The following ERC2 variants were observed in gnomAD, a reference collection of about 807,000 sequenced individuals.
The protein encoded by ERC2 is ELKS/RAB6-interacting/CAST family member 2.
ERC2 carries 42 observed loss-of-function variants against 114.8 expected under a neutral mutation model. The ratio of observed to expected loss-of-function variants is 0.37; its 90% CI spans 0.29 to 0.47. The LOEUF (loss-of-function observed/expected upper bound fraction) is 0.47. Among genes scored for constraint, ERC2 ranks in the 20% least tolerant of loss-of-function variants. The probability of loss-of-function intolerance (pLI) is 0.99; values close to 1 mark genes in which losing one functional copy is unlikely to be tolerated. For missense variants in ERC2, 939 were observed against 1,150.7 expected (o/e 0.82, Z 2.66); for synonymous variants, 454 against 425.5 (o/e 1.07, Z -0.82).
At chr3:55,662,334 T>A (rs1274666887) in intron 17 of ERC2, among the ~76,000 whole-genome samples, 2 of 152,246 alleles carry the variant, frequency 1.3e-5, no homozygotes, top group African/African-American at 4.8e-5. Flanking sequence ...GCCCATTAAC[T>A]GTGAGTGGCT....
chr3:56,341,129 A>ATT (rs1553925626), intron 2 of ERC2, among the ~76,000 whole-genome samples: 2 of 152,178 alleles, frequency 1.3e-5, no homozygotes, highest in Non-Finnish European at 2.9e-5. Flanking sequence ...ATTAAAACAG[A>ATT]TTTGCAATTA....
At chr3:56,175,701 C>T (rs2046451) in intron 3 of ERC2, among the ~76,000 whole-genome samples, 71,101 of 151,844 alleles carry the variant, frequency 0.47, 16,928 homozygotes, top group East Asian at 0.68. Context: ...TCCCTGAATG[C>T]AGAATTGGGA....
At chr3:56,033,790 CT>C (rs1422977416) in intron 7 of ERC2, among the ~76,000 whole-genome samples, 4 of 151,386 alleles carry the variant, frequency 2.6e-5, no homozygotes, top group South Asian at 2.1e-4. Flanking sequence ...TACAAGATTT[CT>C]TTTTTTTTCT....
intron 3 of ERC2, among the ~76,000 whole-genome samples, chr3:56,207,260 C>T (rs10433621): frequency 0.8 from 121,886 of 151,774 alleles, 50,832 homozygotes; most frequent in South Asian, 0.95. Context: ...TCCCTAATTA[C>T]AAAAGTAACA....
chr3:55,877,807 A>G (rs2062932879), intron 14 of ERC2, among the ~76,000 whole-genome samples: 1 of 151,910 alleles, frequency 6.6e-6, no homozygotes, highest in South Asian at 2.1e-4. Context: ...TTCTTCCTTC[A>G]GGATTTGATG....
At chr3:56,034,016 T>C (rs1030489411) in intron 7 of ERC2, among the ~76,000 whole-genome samples, 2 of 152,124 alleles carry the variant, frequency 1.3e-5, no homozygotes, top group African/African-American at 4.8e-5. Context: ...AATTACGGAA[T>C]CAAAAGACAT....
At chr3:56,246,627 C>T (rs1434813445) in intron 3 of ERC2, among the ~76,000 whole-genome samples, 1 of 152,124 alleles carries the variant, frequency 6.6e-6, no homozygotes, top group Non-Finnish European at 1.5e-5. Context: ...TCTAAGGCCA[C>T]GCTGCTGCTA....
chr3:55,822,758 C>T (rs2060179937), intron 14 of ERC2, among the ~76,000 whole-genome samples: 1 of 151,344 alleles, frequency 6.6e-6, no homozygotes, highest in African/African-American at 2.4e-5. Context: ...GGACTACAGG[C>T]ACCCGCCACT....
chr3:55,593,227 T>C (rs2057981525), intron 17 of ERC2, among the ~76,000 whole-genome samples: 1 of 152,200 alleles, frequency 6.6e-6, no homozygotes, highest in African/African-American at 2.4e-5. Flanking sequence ...ATCCTTGCCT[T>C]GGTGCAAATC....
chr3:56,051,858 C>T (rs901343229), intron 7 of ERC2, among the ~76,000 whole-genome samples: 29 of 149,620 alleles, frequency 1.9e-4, no homozygotes, highest in Non-Finnish European at 3.8e-4. Flanking sequence ...CACACACACA[C>T]ACACACACAC....
chr3:55,691,573 A>AAAAAAAAAATATAT (rs1553631525), intron 16 of ERC2, among the ~76,000 whole-genome samples: 1 of 39,742 alleles, frequency 2.5e-5, no homozygotes. Context: ...AAAAAAAAAA[A>AAAAAAAAAATATAT]ATATATATAT....
At chr3:56,318,603 A>G (rs1355443437) in intron 2 of ERC2, among the ~76,000 whole-genome samples, 2 of 151,880 alleles carry the variant, frequency 1.3e-5, no homozygotes, top group Non-Finnish European at 2.9e-5. Flanking sequence ...AAAAAAAAAG[A>G]CAACCTGATT....
intron 13 of ERC2, among the ~76,000 whole-genome samples, chr3:55,911,315 T>A (rs185856371): frequency 2.6e-5 from 4 of 152,326 alleles, no homozygotes; most frequent in Admixed American, 6.5e-5. Context: ...AGATTTCTTG[T>A]GCTTTCAAAG....
chr3:56,185,072 A>C (rs147784696), intron 3 of ERC2: 1 of 152,302 alleles, frequency 6.6e-6, no homozygotes, highest in East Asian at 1.9e-4. Context: ...CTTACTAAAG[A>C]ATCATTATTC....
rs1316607648 is a variant in ERC2 at position 56,446,625 on chromosome 3, CTTTCTT to C, written c.-140-11484_-140-11479del. ...CGCATTTTCTTCTTTTTTTTTTTTTCTTTCTTTTTTTTTTTTTTGAGACGGGGTCTC... is the reference window on the plus strand; with the variant it reads ...CGCATTTTCTTCTTTTTTTTTTTTTCTTTTTTTTTTTTGAGACGGGGTCTC... On this transcript the variant is annotated intron_variant, in intron 1 of 17. Transcript: ENST00000288221. Among the ~76,000 whole-genome samples, 3 of 112,360 alleles carry C rather than the reference CTTTCTT, an allele frequency of 2.7e-5. 1 individual carries two copies. Among genetic ancestry groups the C allele is most frequent in the Non-Finnish European group, 5.3e-5 (3 of 56,666 alleles). 73.7% of individuals were successfully genotyped at this position (112,360 alleles called of 152,430 possible).
chr3:56,050,511 C>T (rs1349911910), intron 7 of ERC2, among the ~76,000 whole-genome samples: 2 of 152,164 alleles, frequency 1.3e-5, no homozygotes, highest in East Asian at 3.9e-4. Flanking sequence ...CCTAATTCGC[C>T]AGCCTCCTTT....
intron 3 of ERC2, among the ~76,000 whole-genome samples, chr3:56,285,064 C>CAT (rs2054602050): frequency 6.6e-6 from 1 of 150,710 alleles, no homozygotes; most frequent in African/African-American, 2.4e-5. Flanking sequence ...CACACACACA[C>CAT]ACACTCTTAT....
intron 2 of ERC2, among the ~76,000 whole-genome samples, chr3:56,385,217 C>T (rs938033954): frequency 6.6e-6 from 1 of 151,962 alleles, no homozygotes; most frequent in Non-Finnish European, 1.5e-5. Flanking sequence ...AAGGTGCCAG[C>T]AGATTTGATG....
chr3:55,994,160 T>C (rs1183443423), intron 10 of ERC2, among the ~76,000 whole-genome samples: 1 of 151,084 alleles, frequency 6.6e-6, no homozygotes, highest in Non-Finnish European at 1.5e-5. Context: ...ATGACATTTC[T>C]TGAACTATCC....
Sources: gnomAD v4.1 joint callset for allele counts (sites outside exome capture counted in the v4.1 genomes callset) on GRCh38, gnomAD v4.1.1 for gene constraint, MANE v1.5 for transcripts, NCBI Gene and HGNC (gene_info 2026-07-23, HGNC 2026-07-21) for gene names.